Variants in MTMR8 observed in about 807,000 individuals in gnomAD.
The protein encoded by MTMR8 is myotubularin related protein 8.
MTMR8 carries 65 observed loss-of-function variants against 39.3 expected under a neutral mutation model. That is an observed-to-expected ratio of 1.65 (90% CI 1.35 to 2.03). MTMR8 has a LOEUF of 2.03. Ranked by LOEUF, MTMR8 falls within the 30% of genes most tolerant of loss-of-function variation. MTMR8 has a pLI of 0.00. For missense variants in MTMR8, 777 were observed against 538.9 expected (o/e 1.44, Z -4.37); for synonymous variants, 245 against 185.2 (o/e 1.32, Z -2.62).
chrX:64,309,384 A>G (rs1569216875), intron 12 of MTMR8, among the ~76,000 whole-genome samples: 1 of 111,275 alleles, frequency 9.0e-6, no homozygotes, highest in South Asian at 3.7e-4. Context: ...TGTGTTTTTA[A>G]TCTGAAATTC....
intron 12 of MTMR8, chrX:64,305,771 T>A (rs980762500): frequency 6.6e-5 from 27 of 410,196 alleles, no homozygotes; most frequent in Non-Finnish European, 1.0e-4. Flanking sequence ...CTGAAAGCAT[T>A]TCCTGTATGG....
At chrX:64,326,991 T>C (rs947590245) in intron 12 of MTMR8, among the ~76,000 whole-genome samples, 1 of 110,654 alleles carries the variant, frequency 9.0e-6, no homozygotes, top group East Asian at 2.8e-4. Flanking sequence ...TGCAGAAGAA[T>C]GGAACTAGGT....
At chrX:64,307,018 G>A (rs1010418369) in intron 12 of MTMR8, among the ~76,000 whole-genome samples, 5 of 112,083 alleles carry the variant, frequency 4.5e-5, no homozygotes, top group Admixed American at 2.8e-4. Context: ...GAGTGAGATG[G>A]CCTCAATCTC....
rs182476216 is a variant in MTMR8, at chrX:64,348,906, T to G, written c.598-112A>C. The G allele has an allele frequency of 3.6e-6, 3 of 837,510 alleles. No individual in the cohort carries two copies. In the African/African-American group the frequency reaches 6.1e-5, roughly 17 times the overall value. 69.0% of individuals were successfully genotyped at this position (837,510 alleles called of 1,213,427 possible). A position where few individuals can be genotyped will look rare whatever the true frequency, so the allele number is the denominator to read the frequency against. ...AGGGAGAGGATGAGCCAACTTAAGA[T>G]AGTGTCCAAAGCAAAGAGAAATGTG... is the stretch of plus-strand genomic sequence containing the variant. On this transcript the variant is annotated intron_variant, in intron 5 of 13. Transcript: ENST00000374852.
intron 1 of MTMR8, among the ~76,000 whole-genome samples, chrX:64,369,461 G>A (rs1924068999): frequency 9.0e-6 from 1 of 111,396 alleles, no homozygotes; most frequent in Admixed American, 9.5e-5. Context: ...CATGTCCTTT[G>A]CAGGGACATG....
At chrX:64,308,453 G>A (rs1177497044) in intron 12 of MTMR8, among the ~76,000 whole-genome samples, 3 of 107,815 alleles carry the variant, frequency 2.8e-5, no homozygotes, top group South Asian at 4.1e-4. Flanking sequence ...ACAGGCATGA[G>A]CCACTGTGCC....
chrX:64,348,552 A>T lies in MTMR8; in HGVS notation c.732+108T>A, dbSNP rs190975938. ...TTTTACACAATGTCTGACATAATAA[A>T]CACACATACACAAACCTAACTTTCC... On this transcript the variant is annotated intron_variant, in intron 6 of 13. Coordinates refer to ENST00000374852, the MANE Select transcript of MTMR8 (RefSeq NM_017677.4). 12 of 933,880 alleles carry T rather than the reference A, an allele frequency of 1.3e-5. No individual in the cohort carries two copies. The African/African-American group carries it at 2.4e-4, about 18-fold the overall frequency. The allele number at this position is 933,880 out of a possible 1,213,427, so 77.0% of individuals were successfully genotyped here. A position where few individuals can be genotyped will look rare whatever the true frequency, so the allele number is the denominator to read the frequency against.
At chrX:64,376,484 CT>C (rs1924271952) in intron 1 of MTMR8, among the ~76,000 whole-genome samples, 2 of 112,107 alleles carry the variant, frequency 1.8e-5, no homozygotes, top group South Asian at 7.4e-4. Flanking sequence ...CATTGTGCCC[CT>C]GCTCTAGGGA....
At position 64,268,883 on chromosome X, in the gene MTMR8, C is replaced by T. The variant is rs780619931; in HGVS notation, c.1769G>A (p.Arg590Lys). Residue 590 changes from arginine (R) to lysine (K), a missense_variant, in exon 14 of 14, where the codon AGG becomes AAG. Coordinates refer to ENST00000374852, the MANE Select transcript of MTMR8 (RefSeq NM_017677.4). Reference protein sequence around the residue: ...NTLMENGTLSREGGLRAQMDQ... With the variant: ...NTLMENGTLSKEGGLRAQMDQ... ...CATCTGAGCTCGGAGGCCTCCTTCC[C>T]TGGATAGGGTGCCATTCTCCATCAG... The T allele has an allele frequency of 1.7e-6, 2 of 1,211,797 alleles. No individual in the cohort carries two copies. Among genetic ancestry groups the T allele is most frequent in the Non-Finnish European group, 2.2e-6 (2 of 895,537 alleles).
intron 2 of MTMR8, among the ~76,000 whole-genome samples, 190 bp downstream of exon 2, chrX:64,359,215 C>CATTAT (rs1482393845): frequency 1.8e-5 from 2 of 110,672 alleles, no homozygotes; most frequent in Non-Finnish European, 3.8e-5. Flanking sequence ...CTATGATGAC[C>CATTAT]AGAGCCAATA....
intron 12 of MTMR8, among the ~76,000 whole-genome samples, chrX:64,290,180 C>T (rs1921347667): frequency 9.1e-6 from 1 of 109,906 alleles, no homozygotes; most frequent in South Asian, 3.9e-4. Context: ...CTTCTTGGAA[C>T]TAACCTAAAA....
At chrX:64,281,734 C>T (rs910631987) in intron 12 of MTMR8, among the ~76,000 whole-genome samples, 1 of 99,479 alleles carries the variant, frequency 1.0e-5, no homozygotes, top group Non-Finnish European at 1.9e-5. Flanking sequence ...TTCCGAATAG[C>T]AAAAGAAACT....
At chrX:64,386,004 G>A (rs1039404247) in intron 1 of MTMR8, among the ~76,000 whole-genome samples, 1 of 110,320 alleles carries the variant, frequency 9.1e-6, no homozygotes, top group African/African-American at 3.3e-5. Context: ...GAAACATACA[G>A]ATCCCCAAAC....
At chrX:64,283,538 C>G (rs1024616821) in intron 12 of MTMR8, among the ~76,000 whole-genome samples, 1 of 112,146 alleles carries the variant, frequency 8.9e-6, no homozygotes, top group African/African-American at 3.2e-5. Flanking sequence ...CAAGTGGGTC[C>G]CTGATCCCAG....
At chrX:64,342,813 T>C (rs1923254000) in intron 8 of MTMR8, among the ~76,000 whole-genome samples, 1 of 112,353 alleles carries the variant, frequency 8.9e-6, no homozygotes, top group Non-Finnish European at 1.9e-5. Context: ...AGCAGATGTA[T>C]GAAAAGTCAT....
intron 12 of MTMR8, among the ~76,000 whole-genome samples, chrX:64,276,287 C>G (rs1028800320): frequency 9.0e-6 from 1 of 110,594 alleles, no homozygotes; most frequent in Admixed American, 9.6e-5. Context: ...AGTTCCAGAT[C>G]TAGATTCTAG....
intron 1 of MTMR8, among the ~76,000 whole-genome samples, chrX:64,385,859 G>A (rs1477700188): frequency 9.0e-6 from 1 of 111,521 alleles, no homozygotes; most frequent in African/African-American, 3.3e-5. Flanking sequence ...TTGAGACTTG[G>A]TGGGGACAAA....
chrX:64,377,327 A>G (rs925243156), intron 1 of MTMR8, among the ~76,000 whole-genome samples: 2 of 111,961 alleles, frequency 1.8e-5, no homozygotes, highest in Non-Finnish European at 3.8e-5. Flanking sequence ...GCACCTGGAA[A>G]AGATCCACCC....
intron 12 of MTMR8, among the ~76,000 whole-genome samples, chrX:64,272,844 A>C (rs1033235668): frequency 2.7e-5 from 3 of 112,243 alleles, no homozygotes; most frequent in South Asian, 3.7e-4. Flanking sequence ...GCAAAAAAAA[A>C]CTTTCAGGAC....
Sources: gnomAD v4.1 joint callset for allele counts (sites outside exome capture counted in the v4.1 genomes callset) on GRCh38, gnomAD v4.1.1 for gene constraint, MANE v1.5 for transcripts, NCBI Gene and HGNC (gene_info 2026-07-23, HGNC 2026-07-21) for gene names.